The following TRAPPC11 variants were observed in gnomAD, a reference collection of about 807,000 sequenced individuals.
TRAPPC11 encodes the protein trafficking protein particle complex subunit 11, also known as foie gras homolog.
A neutral mutation model predicts 151.2 loss-of-function variants in TRAPPC11; 104 were observed. That is an observed-to-expected ratio of 0.69 (90% CI 0.59 to 0.81). TRAPPC11 has a LOEUF of 0.81. Ranked by LOEUF, TRAPPC11 falls within the 30% of genes least tolerant of loss-of-function variation. The pLI, the probability that TRAPPC11 is intolerant of heterozygous loss-of-function variation, is 0.00. For missense variants in TRAPPC11, 1,230 were observed against 1,349.6 expected, an observed-to-expected ratio of 0.91 and a Z score of 1.39; for synonymous variants, 456 against 472.3, an observed-to-expected ratio of 0.97 and a Z score of 0.45.
At chr4:183,704,426 C>T (rs1201818070) in intron 26 of TRAPPC11, among the ~76,000 whole-genome samples, 1 of 149,790 alleles carries the variant, frequency 6.7e-6, no homozygotes, top group East Asian at 2.0e-4. Context: ...GAGGCTGAGG[C>T]AGGAGAATCA....
chr4:183,686,217 A>G (rs185588536), intron 17 of TRAPPC11, among the ~76,000 whole-genome samples: 6 of 151,826 alleles, frequency 4.0e-5, no homozygotes, highest in Admixed American at 2.0e-4. Flanking sequence ...GTTTACCACA[A>G]CCTCCACCTC....
At chr4:183,671,313 A>G (rs1344673673) in intron 5 of TRAPPC11, among the ~76,000 whole-genome samples, 1 of 152,202 alleles carries the variant, frequency 6.6e-6, no homozygotes, top group African/African-American at 2.4e-5. Flanking sequence ...GTCTTTCCAT[A>G]AATTAAAAAT....
chr4:183,688,426 T>C (rs1736095470), intron 18 of TRAPPC11, among the ~76,000 whole-genome samples: 2 of 152,162 alleles, frequency 1.3e-5, no homozygotes, highest in Non-Finnish European at 2.9e-5. Context: ...GGGTTTATAA[T>C]GCTGGGTGGT....
chr4:183,662,852 A>G (rs1368920584), intron 1 of TRAPPC11, among the ~76,000 whole-genome samples: 2 of 152,018 alleles, frequency 1.3e-5, no homozygotes, highest in Non-Finnish European at 2.9e-5. Flanking sequence ...ACTAATTTCA[A>G]AGTTCTGTGT....
intron 5 of TRAPPC11, among the ~76,000 whole-genome samples, chr4:183,674,467 C>T (rs1579172868): frequency 7.1e-6 from 1 of 140,518 alleles, no homozygotes; most frequent in Non-Finnish European, 1.5e-5. Flanking sequence ...TTTTATGAAT[C>T]AGAGAAAGGT....
chr4:183,672,700 T>TA (rs1735213040), intron 5 of TRAPPC11, among the ~76,000 whole-genome samples: 1 of 152,198 alleles, frequency 6.6e-6, no homozygotes, highest in African/African-American at 2.4e-5. Context: ...TAATAGCACT[T>TA]ACCAAGCCTA....
intron 2 of TRAPPC11, among the ~76,000 whole-genome samples, chr4:183,665,147 T>C (rs977717107): frequency 1.5e-5 from 2 of 135,784 alleles, no homozygotes; most frequent in African/African-American, 2.8e-5. Flanking sequence ...GAGGCTGGAG[T>C]GCTGTGGCGC....
chr4:183,667,827 G>T, intron 4 of TRAPPC11, 176 bp from the exon 5 acceptor site: 1 of 610,458 alleles, frequency 1.6e-6, no homozygotes, highest in Non-Finnish European at 2.9e-6. Flanking sequence ...CATATACTGT[G>T]TAACCTCTAA....
At chr4:183,695,263 G>A (rs537541613) in intron 23 of TRAPPC11, among the ~76,000 whole-genome samples, 3 of 152,072 alleles carry the variant, frequency 2.0e-5, no homozygotes, top group Admixed American at 6.6e-5. Context: ...ATGGCTTTTC[G>A]TATAGAGGAT....
At chr4:183,690,299 A>T (rs1736199630) in intron 18 of TRAPPC11, among the ~76,000 whole-genome samples, 1 of 152,218 alleles carries the variant, frequency 6.6e-6, no homozygotes, top group Admixed American at 6.5e-5. Context: ...TAATACTTGA[A>T]CTGTGTAAGA....
intron 20 of TRAPPC11, 150 bp from the exon 21 acceptor site, chr4:183,693,439 C>T: frequency 1.2e-6 from 1 of 840,388 alleles, no homozygotes; most frequent in Non-Finnish European, 1.8e-6. Flanking sequence ...CTCCTGGGCT[C>T]AAGCGATCCT....
At chr4:183,683,920 T>G (rs1735827951) in intron 11 of TRAPPC11, 55 bp from the exon 12 acceptor site, 5 of 1,390,722 alleles carry the variant, frequency 3.6e-6, no homozygotes, top group Non-Finnish European at 4.1e-6. Context: ...AACGTTCATA[T>G]GAAGATTTAT....
intron 28 of TRAPPC11, among the ~76,000 whole-genome samples, chr4:183,707,541 A>G (rs1737135794): frequency 6.6e-6 from 1 of 152,156 alleles, no homozygotes; most frequent in Non-Finnish European, 1.5e-5. Context: ...CCACTGTCAG[A>G]GGGATAACAG....
At chr4:183,661,559 G>A (rs910137034) in intron 1 of TRAPPC11, among the ~76,000 whole-genome samples, 10 of 151,488 alleles carry the variant, frequency 6.6e-5, no homozygotes, top group African/African-American at 2.4e-4. Context: ...TTTTAGTAGA[G>A]ACGGGGTTTC....
chr4:183,684,613 T>G lies in TRAPPC11; in HGVS notation c.1422-83T>G, dbSNP rs550439236. 3.3e-5 allele frequency: 47 copies of G among 1,430,992 alleles called. No homozygotes were observed. The African/African-American group carries it at 6.4e-4, about 20-fold the overall frequency. 88.6% of individuals were successfully genotyped at this position (1,430,992 alleles called of 1,614,324 possible). On this transcript the variant is annotated intron_variant, in intron 14 of 29. Coordinates refer to ENST00000334690, the MANE Select transcript of TRAPPC11 (RefSeq NM_021942.6). ...AAGATTTTTCTATACTTACATAAAA[T>G]GAGGAAAGTATTTTTTTCTCCATGA...
At chr4:183,704,042 G>A (rs1168284613) in intron 26 of TRAPPC11, among the ~76,000 whole-genome samples, 1 of 152,188 alleles carries the variant, frequency 6.6e-6, no homozygotes. Context: ...TTCCTGAATT[G>A]AGAAAGTCTT....
At chr4:183,697,461 A>G in intron 23 of TRAPPC11, 42 bp from the exon 24 acceptor site, 2 of 1,563,462 alleles carry the variant, frequency 1.3e-6, no homozygotes, top group Non-Finnish European at 1.7e-6. Context: ...ATATAAAAAG[A>G]TTTAGAAAAT....
rs66913932 is a variant in TRAPPC11 at position 183,665,091 on chromosome 4, C to CTTTT, written c.204+1038_204+1041dup. ...TCACACGATTATTTTTCTTTTCTTT[C>CTTTT]TTTTTTTTTTTTTTTTTTTTTGAGA... is the stretch of plus-strand genomic sequence containing the variant. On this transcript the variant is annotated intron_variant, in intron 2 of 29. Coordinates refer to ENST00000334690, the MANE Select transcript of TRAPPC11 (RefSeq NM_021942.6). Among the ~76,000 whole-genome samples the CTTTT allele has an allele frequency of 2.7e-3, 292 of 106,380 alleles. 1 individual carries two copies. The highest frequency in any genetic ancestry group is 3.3e-3 in the Non-Finnish European group (183 of 55,712). The allele number at this position is 106,380 out of a possible 152,430, so 69.8% of individuals were successfully genotyped here.
intron 25 of TRAPPC11, 132 bp from the exon 26 acceptor site, chr4:183,701,565 C>T (rs1445917568): frequency 3.2e-6 from 2 of 629,416 alleles, no homozygotes. Flanking sequence ...ATCTCTGAAC[C>T]CTACTTTCTA....
Sources: gnomAD v4.1 joint callset for allele counts (sites outside exome capture counted in the v4.1 genomes callset) on GRCh38, gnomAD v4.1.1 for gene constraint, MANE v1.5 for transcripts, NCBI Gene and HGNC (gene_info 2026-07-23, HGNC 2026-07-21) for gene names.